Variants in SCFD2 observed in about 807,000 individuals in gnomAD.
SCFD2 encodes the protein sec1 family domain-containing protein 2.
A neutral mutation model predicts 58.9 loss-of-function variants in SCFD2; 54 were observed. The observed-to-expected ratio is 0.92, with a 90% CI of 0.74 to 1.15. SCFD2 has a LOEUF of 1.15. Among genes scored for constraint, SCFD2 ranks in the 50% most tolerant of loss-of-function variants. SCFD2 has a pLI of 0.00. For missense variants in SCFD2, 805 were observed against 836.6 expected, an observed-to-expected ratio of 0.96 and a Z score of 0.47; for synonymous variants, 321 against 335.9, an observed-to-expected ratio of 0.96 and a Z score of 0.49.
intron 5 of SCFD2, among the ~76,000 whole-genome samples, chr4:52,975,552 A>G (rs940847325): frequency 2.6e-5 from 4 of 152,306 alleles, no homozygotes; most frequent in African/African-American, 9.6e-5. Context: ...GAGAAATAGG[A>G]ACACTTTTAC....
Position 52,874,050 on chromosome 4 carries a change from C to T in SCFD2, c.1974G>A (p.Leu658=), listed in dbSNP as rs1240028609. The T allele has an allele frequency of 6.2e-7, 1 of 1,613,336 alleles. No homozygotes were observed. Among genetic ancestry groups the T allele is most frequent in the Admixed American group, 1.7e-5 (1 of 60,024 alleles). The part of the protein sequence containing the change: ...SLKPGTQVIV[L]STRLLKPLNI... ...TAAGTGGCTTCAGGAGTCGTGTGGA[C>T]AGCACGATTACCTAACAACAGGAGA... The change falls in exon 9 of 9, where the codon CTG becomes CTA. Residue 658 remains leucine, a synonymous_variant. Coordinates refer to ENST00000401642, the MANE Select transcript of SCFD2 (RefSeq NM_152540.4).
chr4:53,225,238 C>G (rs1427386359), intron 4 of SCFD2, among the ~76,000 whole-genome samples: 2 of 152,068 alleles, frequency 1.3e-5, no homozygotes, highest in African/African-American at 4.8e-5. Flanking sequence ...AGTAATGTTT[C>G]TGAATGAACA....
intron 5 of SCFD2, among the ~76,000 whole-genome samples, chr4:53,111,853 T>G (rs1409181487): frequency 1.3e-5 from 2 of 152,052 alleles, no homozygotes; most frequent in East Asian, 3.8e-4. Flanking sequence ...TATTATTGAG[T>G]GTATTAGGGA....
chr4:53,216,224 C>A (rs906019872), intron 4 of SCFD2, among the ~76,000 whole-genome samples: 34 of 152,288 alleles, frequency 2.2e-4, no homozygotes, highest in Admixed American at 4.6e-4. Flanking sequence ...AGGAATGGTA[C>A]CAGCTCCTCC....
At chr4:53,057,832 T>A (rs1486574210) in intron 5 of SCFD2, among the ~76,000 whole-genome samples, 2 of 152,106 alleles carry the variant, frequency 1.3e-5, no homozygotes, top group African/African-American at 4.8e-5. Context: ...AAGCCATGCA[T>A]ACCTTGTGCT....
intron 2 of SCFD2, among the ~76,000 whole-genome samples, chr4:53,322,627 T>A (rs1035486489): frequency 5.9e-5 from 9 of 152,202 alleles, no homozygotes; most frequent in Non-Finnish European, 1.2e-4. Flanking sequence ...TAAGAAAGAC[T>A]GTTTTTCATA....
At chr4:52,882,394 C>T (rs554953890) in intron 8 of SCFD2, among the ~76,000 whole-genome samples, 1 of 152,092 alleles carries the variant, frequency 6.6e-6, no homozygotes, top group Non-Finnish European at 1.5e-5. Context: ...GATATTAGAA[C>T]CAAGAATGAA....
intron 6 of SCFD2, among the ~76,000 whole-genome samples, chr4:52,918,528 T>C (rs1165494772): frequency 6.6e-6 from 1 of 152,148 alleles, no homozygotes; most frequent in Admixed American, 6.5e-5. Flanking sequence ...AAATTACCCA[T>C]AATCCCATTA....
chr4:53,054,197 G>C (rs936092348), intron 5 of SCFD2, among the ~76,000 whole-genome samples: 4 of 152,060 alleles, frequency 2.6e-5, no homozygotes, highest in African/African-American at 9.7e-5. Context: ...TTGTCTTTCT[G>C]TGCTTGGCTT....
chr4:52,965,825 A>T (rs1033380757), intron 5 of SCFD2, among the ~76,000 whole-genome samples: 3 of 152,230 alleles, frequency 2.0e-5, no homozygotes, highest in African/African-American at 7.2e-5. Flanking sequence ...TAATAGGAAG[A>T]TCATGGTTGT....
At chr4:53,214,116 A>G (rs1277498204) in intron 4 of SCFD2, among the ~76,000 whole-genome samples, 1 of 152,068 alleles carries the variant, frequency 6.6e-6, no homozygotes, top group Non-Finnish European at 1.5e-5. Context: ...CAGTAAACAT[A>G]CGTGTGCATG....
At chr4:52,933,680 C>T (rs113562382) in intron 5 of SCFD2, among the ~76,000 whole-genome samples, 140 of 152,262 alleles carry the variant, frequency 9.2e-4, no homozygotes, top group African/African-American at 3.1e-3. Context: ...CTTAGCTTCT[C>T]ATTTCCCAGA....
intron 4 of SCFD2, among the ~76,000 whole-genome samples, chr4:53,268,258 G>A (rs1460655327): frequency 6.6e-6 from 1 of 152,100 alleles, no homozygotes; most frequent in Non-Finnish European, 1.5e-5. Context: ...GGATGGAAAG[G>A]GCATCCACGT....
intron 5 of SCFD2, among the ~76,000 whole-genome samples, chr4:53,062,547 ATG>A (rs2148841702): frequency 6.6e-6 from 1 of 152,274 alleles, no homozygotes; most frequent in African/African-American, 2.4e-5. Context: ...CAAACAAAGA[ATG>A]ACAGGCATTT....
chr4:53,219,468 T>G (rs1456699694), intron 4 of SCFD2, among the ~76,000 whole-genome samples: 4 of 152,230 alleles, frequency 2.6e-5, no homozygotes, highest in Admixed American at 6.5e-5. Context: ...GTGTGCCGTT[T>G]GCTAAGACCG....
chr4:53,232,485 G>A (rs919779040), intron 4 of SCFD2, among the ~76,000 whole-genome samples: 6 of 152,262 alleles, frequency 3.9e-5, no homozygotes, highest in African/African-American at 1.2e-4. Flanking sequence ...TTTATGTTAG[G>A]AAAGATGCCT....
At chr4:53,189,483 C>T (rs1727833318) in intron 4 of SCFD2, among the ~76,000 whole-genome samples, 1 of 152,156 alleles carries the variant, frequency 6.6e-6, no homozygotes, top group Non-Finnish European at 1.5e-5. Flanking sequence ...TTAAACAAGA[C>T]ATTTCTTAGC....
At chr4:52,934,599 T>G (rs1720090050) in intron 5 of SCFD2, among the ~76,000 whole-genome samples, 2 of 152,172 alleles carry the variant, frequency 1.3e-5, no homozygotes, top group Non-Finnish European at 2.9e-5. Context: ...GAAATGCACC[T>G]CCAGGGCCTT....
At chr4:53,320,628 T>TA (rs1333845829) in intron 2 of SCFD2, among the ~76,000 whole-genome samples, 2 of 151,950 alleles carry the variant, frequency 1.3e-5, no homozygotes, top group African/African-American at 2.4e-5. Flanking sequence ...AAAAAATCAA[T>TA]AAAAAATAAA....
Sources: gnomAD v4.1 joint callset for allele counts (sites outside exome capture counted in the v4.1 genomes callset) on GRCh38, gnomAD v4.1.1 for gene constraint, MANE v1.5 for transcripts, NCBI Gene and HGNC (gene_info 2026-07-23, HGNC 2026-07-21) for gene names.